The following STXBP5L variants were observed in gnomAD, a reference collection of about 807,000 sequenced individuals.
STXBP5L encodes the protein syntaxin-binding protein 5-like.
In STXBP5L, 65 loss-of-function variants were observed where a neutral mutation model predicts 144.5. That is an observed-to-expected ratio of 0.45 (90% CI 0.37 to 0.55). The LOEUF is 0.55. Ranked by LOEUF, STXBP5L falls within the 20% of genes least tolerant of loss-of-function variation. STXBP5L has a pLI of 0.00. For synonymous variants in STXBP5L, 505 were observed against 469.6 expected, an observed-to-expected ratio of 1.08 and a Z score of -0.97; for missense variants, 1,298 against 1,405.5, an observed-to-expected ratio of 0.92 and a Z score of 1.22.
intron 5 of STXBP5L, among the ~76,000 whole-genome samples, chr3:121,111,148 C>T (rs949756568): frequency 2.2e-4 from 34 of 152,120 alleles, no homozygotes; most frequent in African/African-American, 7.7e-4. Context: ...AATGTTTTAT[C>T]ATGGTTATTA....
chr3:121,408,517 A>G (rs1576369594), intron 23 of STXBP5L, among the ~76,000 whole-genome samples: 1 of 151,940 alleles, frequency 6.6e-6, no homozygotes, highest in Non-Finnish European at 1.5e-5. Flanking sequence ...ATGGGATTGA[A>G]TTTTCTAGCC....
intron 19 of STXBP5L, among the ~76,000 whole-genome samples, chr3:121,302,755 A>C (rs1415552991): frequency 6.6e-6 from 1 of 152,204 alleles, no homozygotes; most frequent in Non-Finnish European, 1.5e-5. Context: ...ATGTTTGACA[A>C]ACCTGACAAA....
chr3:121,077,825 TCG>T (rs1178100347), intron 5 of STXBP5L, among the ~76,000 whole-genome samples: 1 of 152,050 alleles, frequency 6.6e-6, no homozygotes, highest in Non-Finnish European at 1.5e-5. Flanking sequence ...AGATAGAGTG[TCG>T]ATTGGTGCAT....
chr3:121,355,863 T>A (rs1333232872), intron 20 of STXBP5L, among the ~76,000 whole-genome samples: 5 of 152,212 alleles, frequency 3.3e-5, no homozygotes, highest in Non-Finnish European at 7.3e-5. Flanking sequence ...GACCTACAGA[T>A]GGGGTTTTGG....
intron 3 of STXBP5L, among the ~76,000 whole-genome samples, chr3:120,988,235 G>A (rs1277514747): frequency 6.6e-6 from 1 of 150,532 alleles, no homozygotes; most frequent in African/African-American, 2.4e-5. Context: ...TCTGTCTTTT[G>A]TAAGGTTTTA....
chr3:121,356,531 G>T (rs2045521169), intron 20 of STXBP5L, among the ~76,000 whole-genome samples: 2 of 152,234 alleles, frequency 1.3e-5, no homozygotes, highest in South Asian at 4.1e-4. Context: ...TCTGCCCATT[G>T]CTAAGACTTT....
intron 3 of STXBP5L, among the ~76,000 whole-genome samples, chr3:120,964,610 A>T (rs201960750): frequency 5.3e-5 from 8 of 152,094 alleles, no homozygotes; most frequent in Non-Finnish European, 1.0e-4. Flanking sequence ...CTGAGTTCTA[A>T]TTTGATTGCA....
At chr3:121,417,653 C>T (rs1315199921) in intron 25 of STXBP5L, among the ~76,000 whole-genome samples, 5 of 152,148 alleles carry the variant, frequency 3.3e-5, no homozygotes, top group Non-Finnish European at 5.9e-5. Context: ...TTGGTAGAGA[C>T]AGGGTTTCAC....
rs141981998 is a variant in STXBP5L at position 121,172,194 on chromosome 3, A to T, written c.877+14567A>T. 7.3e-4 allele frequency among the ~76,000 whole-genome samples: 111 copies of T among 152,330 alleles called. 1 individual carries two copies. Among genetic ancestry groups the T allele is most frequent in the Non-Finnish European group, 4.0e-4 (27 of 68,028 alleles). On this transcript the variant is annotated intron_variant, in intron 9 of 26. Transcript: ENST00000471454. ...TTGTACAAAAATTAACTCAAGATGG[A>T]TTAAAGACTTAAATGTAAGACCTAA...
intron 19 of STXBP5L, among the ~76,000 whole-genome samples, chr3:121,280,942 T>G (rs1421719508): frequency 6.6e-6 from 1 of 150,884 alleles, no homozygotes; most frequent in Non-Finnish European, 1.5e-5. Context: ...TTTTTAAATT[T>G]TTTAATAAGT....
chr3:121,338,117 T>C (rs2044570522), intron 20 of STXBP5L, among the ~76,000 whole-genome samples: 1 of 151,950 alleles, frequency 6.6e-6, no homozygotes, highest in South Asian at 2.1e-4. Flanking sequence ...ATGAAACAAA[T>C]TGGCAACCTA....
At chr3:121,083,056 T>C (rs2042324552) in intron 5 of STXBP5L, among the ~76,000 whole-genome samples, 1 of 151,424 alleles carries the variant, frequency 6.6e-6, no homozygotes, top group Admixed American at 6.6e-5. Flanking sequence ...AAAAATTAGC[T>C]GGGTGTGGTG....
chr3:121,320,795 A>G (rs2043946565), intron 20 of STXBP5L, among the ~76,000 whole-genome samples: 1 of 149,798 alleles, frequency 6.7e-6, no homozygotes, highest in African/African-American at 2.5e-5. Context: ...TCTGCCTCCG[A>G]GGTTCAAGGA....
At chr3:121,163,361 G>A (rs1342099450) in intron 9 of STXBP5L, among the ~76,000 whole-genome samples, 2 of 151,846 alleles carry the variant, frequency 1.3e-5, no homozygotes, top group African/African-American at 4.8e-5. Context: ...CATAAGTGGG[G>A]AATTGAGCAG....
intron 2 of STXBP5L, among the ~76,000 whole-genome samples, chr3:120,925,531 A>G (rs999133411): frequency 6.6e-6 from 1 of 151,920 alleles, no homozygotes. Context: ...CCACCCCTTC[A>G]GTTTCAGAAT....
Position 121,221,883 on chromosome 3 carries a change from A to C in STXBP5L, c.957-1120A>C, listed in dbSNP as rs547108812. On this transcript the variant is annotated intron_variant, in intron 10 of 26. Coordinates refer to ENST00000471454, the MANE Select transcript of STXBP5L (RefSeq NM_001308330.2). ...TGTATAGAAGCTTTGTTAAAAAAAA[A>C]ACCCTTTTTGGTTATATAGCCAGCA... Among the ~76,000 whole-genome samples the C allele has an allele frequency of 2.0e-5, 3 of 152,060 alleles. No individual in the cohort carries two copies. In the South Asian group the frequency reaches 6.2e-4, roughly 32 times the overall value.
chr3:121,181,785 C>T (rs1559832968), intron 9 of STXBP5L, among the ~76,000 whole-genome samples: 1 of 151,840 alleles, frequency 6.6e-6, no homozygotes, highest in Non-Finnish European at 1.5e-5. Flanking sequence ...CAAAAAACAA[C>T]CAAGTGTTCA....
intron 20 of STXBP5L, among the ~76,000 whole-genome samples, chr3:121,375,394 CCTT>C (rs1438211065): frequency 6.6e-6 from 1 of 152,104 alleles, no homozygotes; most frequent in Non-Finnish European, 1.5e-5. Context: ...AATTTCCACT[CCTT>C]CTGAAATATT....
chr3:121,253,884 ACCT>A (rs1469690091), intron 15 of STXBP5L, among the ~76,000 whole-genome samples: 192 of 144,904 alleles, frequency 1.3e-3, no homozygotes, highest in African/African-American at 4.7e-3. Context: ...CGATCTCCTG[ACCT>A]GGTGATCCGC....
Sources: allele counts gnomAD v4.1 joint callset (sites outside exome capture counted in the v4.1 genomes callset), GRCh38; gene constraint gnomAD v4.1.1; transcripts MANE v1.5; gene names NCBI Gene and HGNC (gene_info 2026-07-23, HGNC 2026-07-21).